Variants in PON2 observed in about 807,000 individuals in gnomAD.
PON2 encodes the protein paraoxonase 2, also known as serum paraoxonase/arylesterase 2.
In PON2, 27 loss-of-function variants were observed where a neutral mutation model predicts 36.6. That is an observed-to-expected ratio of 0.74 (90% confidence interval 0.54 to 1.02). The LOEUF (loss-of-function observed/expected upper bound fraction) is 1.02, where lower values mean the gene tolerates loss of function less well. PON2 is among the 50% of genes least tolerant of loss of function. The probability of loss-of-function intolerance (pLI) is 0.00; values close to 1 mark genes in which losing one functional copy is unlikely to be tolerated. For missense variants in PON2, 363 were observed against 421.1 expected (o/e 0.86, Z 1.21); for synonymous variants, 149 against 156.3 (o/e 0.95, Z 0.35).
chr7:95,427,538 C>A (rs569592843), intron 1 of PON2, among the ~76,000 whole-genome samples: 4 of 152,158 alleles, frequency 2.6e-5, no homozygotes, highest in Non-Finnish European at 1.5e-5. Flanking sequence ...TGAACACACA[C>A]GCAGTGTTTG....
At chr7:95,412,694 A>G in intron 3 of PON2, 1 of 566,274 alleles carries the variant, frequency 1.8e-6, no homozygotes. Context: ...TCAGGGATTT[A>G]TTCTCTTCAG....
At chr7:95,408,636 AGAAAG>A (rs961068654) in intron 6 of PON2, among the ~76,000 whole-genome samples, 4 of 152,230 alleles carry the variant, frequency 2.6e-5, no homozygotes, top group Non-Finnish European at 4.4e-5. Context: ...ATAGTCAACA[AGAAAG>A]GAGGAGAAAT....
Position 95,405,199 on chromosome 7 carries a change from C to T in PON2, c.*131G>A. On this transcript the variant is annotated 3_prime_UTR_variant, in exon 9 of 9. Coordinates refer to ENST00000222572, the MANE Select transcript of PON2 (RefSeq NM_000305.3). ...GCTCTAAGAACTAAAAGGGCCGTTC[C>T]TTACTGGAATAAAATTAACTACACA... 1 of 1,007,130 alleles carries T rather than the reference C, an allele frequency of 9.9e-7. No homozygotes were observed. Among genetic ancestry groups the T allele is most frequent in the South Asian group, 1.5e-5 (1 of 64,748 alleles). 62.4% of individuals were successfully genotyped at this position (1,007,130 alleles called of 1,614,324 possible).
At position 95,410,043 on chromosome 7, in the gene PON2, A is replaced by C; in HGVS notation, c.553T>G (p.Phe185Val). 1 of 1,613,900 alleles carries C rather than the reference A, an allele frequency of 6.2e-7. No homozygotes were observed. Among genetic ancestry groups the C allele is most frequent in the East Asian group, 2.2e-5 (1 of 44,862 alleles). The change falls in exon 6 of 9, where the codon TTC (phenylalanine) becomes GTC (valine). Residue 185 changes from phenylalanine to valine, a missense_variant. Phe to Val is a conservative substitution (Grantham distance 50). Transcript: ENST00000222572. ...AHFYATNDHY[F>V]SDPFLKYLET... is the part of the protein sequence containing the mutation. ...AAATACTTTAAGAAAGGATCAGAGA[A>C]GTAGTGGTCATTTGTGGCATAGAAA...
chr7:95,421,950 G>A (rs1268822917), intron 2 of PON2, among the ~76,000 whole-genome samples: 1 of 152,200 alleles, frequency 6.6e-6, no homozygotes, highest in Non-Finnish European at 1.5e-5. Context: ...ATGAGGTACT[G>A]AGTTTATTAC....
Position 95,412,362 on chromosome 7 carries a change from A to T in PON2, c.317T>A (p.Phe106Tyr). ...ATGTGGATTGAATGAGGCCAAATCAAACCCACGACTGATTCTTAATTCCCG... is the reference window on the plus strand; with the variant it reads ...ATGTGGATTGAATGAGGCCAAATCATACCCACGACTGATTCTTAATTCCCG... The part of the protein sequence containing the change: ...RARELRISRG[F>Y]DLASFNPHGI... The change falls in exon 4 of 9, where the codon TTT becomes TAT. Residue 106 changes from phenylalanine to tyrosine, a missense_variant. Coordinates refer to ENST00000222572, the MANE Select transcript of PON2 (RefSeq NM_000305.3). The T allele has an allele frequency of 6.2e-7, 1 of 1,614,220 alleles. No individual in the cohort carries two copies. Among genetic ancestry groups the T allele is most frequent in the Non-Finnish European group, 8.5e-7 (1 of 1,180,032 alleles).
At chr7:95,416,815 T>G (rs1299430987) in intron 2 of PON2, among the ~76,000 whole-genome samples, 1 of 152,232 alleles carries the variant, frequency 6.6e-6, no homozygotes, top group African/African-American at 2.4e-5. Context: ...AAAGCTTTTC[T>G]ATTTAATCTT....
chr7:95,407,799 T>A (rs957930620), intron 6 of PON2, among the ~76,000 whole-genome samples: 2 of 152,042 alleles, frequency 1.3e-5, no homozygotes, highest in African/African-American at 4.8e-5. Context: ...ATAGTTCAGG[T>A]CTAGAAATAG....
intron 2 of PON2, 93 bp downstream of exon 2, chr7:95,424,422 G>C: frequency 9.9e-7 from 1 of 1,009,056 alleles, no homozygotes; most frequent in Admixed American, 1.7e-5. Flanking sequence ...CCACTGAAAA[G>C]CAGTAATTTC....
At chr7:95,423,502 A>T (rs1789242996) in intron 2 of PON2, among the ~76,000 whole-genome samples, 1 of 151,920 alleles carries the variant, frequency 6.6e-6, no homozygotes, top group Non-Finnish European at 1.5e-5. Flanking sequence ...CACCAGAGAG[A>T]CCCTCAGTGC....
intron 2 of PON2, 110 bp from the exon 3 acceptor site, chr7:95,416,407 G>T: frequency 8.0e-7 from 1 of 1,255,716 alleles, no homozygotes; most frequent in Non-Finnish European, 1.1e-6. Flanking sequence ...CTTTAGGGAT[G>T]GTTCTGATGT....
At chr7:95,414,019 T>C (rs1585750937) in intron 3 of PON2, among the ~76,000 whole-genome samples, 1 of 152,248 alleles carries the variant, frequency 6.6e-6, no homozygotes, top group Non-Finnish European at 1.5e-5. Flanking sequence ...TCCTTATTTA[T>C]TTAAGTATTT....
chr7:95,412,308 T>C lies in PON2; in HGVS notation c.367+4A>G. On this transcript the variant is annotated splice_donor_region_variant and intron_variant, in intron 4 of 8. Coordinates refer to ENST00000222572, the MANE Select transcript of PON2 (RefSeq NM_000305.3). The stretch of plus-strand genomic sequence containing the variant: ...CTAAATGTTGGTAGCCCATTGGCTC[T>C]TACCGTTGTCTATGAAAGTGCTGAT... 6.2e-7 allele frequency: 1 copy of C among 1,614,150 alleles called. No homozygotes were observed. The highest frequency in any genetic ancestry group is 8.5e-7 in the Non-Finnish European group (1 of 1,179,970).
At chr7:95,424,987 T>G (rs1389603913) in intron 1 of PON2, among the ~76,000 whole-genome samples, 3 of 152,110 alleles carry the variant, frequency 2.0e-5, no homozygotes, top group Non-Finnish European at 4.4e-5. Flanking sequence ...GAAAAATGAC[T>G]GTAAGCCTCA....
intron 6 of PON2, among the ~76,000 whole-genome samples, chr7:95,409,138 C>T (rs1809792352): frequency 6.6e-6 from 1 of 151,988 alleles, no homozygotes; most frequent in Admixed American, 6.6e-5. Flanking sequence ...CATGGAGAAA[C>T]CTCATCTCTA....
In PON2 at chr7:95,405,498, G is replaced by A; in HGVS notation, c.907-10C>T. 1 of 1,610,236 alleles carries A rather than the reference G, an allele frequency of 6.2e-7. No homozygotes were observed. Among genetic ancestry groups the A allele is most frequent in the Non-Finnish European group, 8.5e-7 (1 of 1,176,780 alleles). On this transcript the variant is annotated splice_polypyrimidine_tract_variant and intron_variant, in intron 8 of 8. Transcript: ENST00000222572. ...TCTGGATGCGGAGAACCTATTCAGG[G>A]GATACAAAGTATGAATATAAGACCA...
chr7:95,430,450 G>A (rs1789412592), intron 1 of PON2, among the ~76,000 whole-genome samples: 1 of 151,926 alleles, frequency 6.6e-6, no homozygotes, highest in Non-Finnish European at 1.5e-5. Flanking sequence ...ACAGGCATGT[G>A]CCACCGTGCC....
chr7:95,434,878 C>T lies in PON2; in HGVS notation c.74G>A (p.Arg25Lys), dbSNP rs1789528841. The change falls in exon 1 of 9, where the codon AGA becomes AAA. Residue 25 changes from arginine to lysine, a missense_variant and splice_region_variant. Coordinates refer to ENST00000222572, the MANE Select transcript of PON2 (RefSeq NM_000305.3). Reference sequence around the variant, plus strand: ...AGGGGCGCGCGGGAGTCCCACCTACCTGAGTGCCAGAAGCCTCTCGCCCAG... The same window carrying T: ...AGGGGCGCGCGGGAGTCCCACCTACTTGAGTGCCAGAAGCCTCTCGCCCAG... ...ALLGERLLAL[R>K]NRLKASREVE... The T allele has an allele frequency of 1.3e-6, 2 of 1,540,300 alleles. No individual in the cohort carries two copies. Among genetic ancestry groups the T allele is most frequent in the African/African-American group, 1.4e-5 (1 of 72,078 alleles).
chr7:95,415,929 G>A, intron 3 of PON2: 1 of 352,542 alleles, frequency 2.8e-6, no homozygotes, highest in South Asian at 3.0e-5. Context: ...TCCAGCCGGG[G>A]CAACCAGAAC....
Sources: gnomAD v4.1 joint callset for allele counts (sites outside exome capture counted in the v4.1 genomes callset) on GRCh38, gnomAD v4.1.1 for gene constraint, MANE v1.5 for transcripts, NCBI Gene and HGNC (gene_info 2026-07-23, HGNC 2026-07-21) for gene names.